PIGL: variants seen among roughly 807,000 people sequenced by gnomAD.
The protein encoded by PIGL is phosphatidylinositol glycan anchor biosynthesis class L.
PIGL carries 22 observed loss-of-function variants against 31.1 expected under a neutral mutation model. The ratio of observed to expected loss-of-function variants is 0.71; its 90% confidence interval spans 0.51 to 1.01. The LOEUF (loss-of-function observed/expected upper bound fraction) is 1.01, where lower values mean the gene tolerates loss of function less well. PIGL is among the 50% of genes least tolerant of loss of function. The probability of loss-of-function intolerance (pLI) is 0.00; values close to 1 mark genes in which losing one functional copy is unlikely to be tolerated. For missense variants in PIGL, 302 were observed against 315.9 expected (o/e 0.96, Z 0.33); for synonymous variants, 131 against 117.4 (o/e 1.12, Z -0.75).
At chr17:16,323,258 A>C (rs1337900285) in intron 6 of PIGL, among the ~76,000 whole-genome samples, 1 of 150,890 alleles carries the variant, frequency 6.6e-6, no homozygotes, top group East Asian at 1.9e-4. Flanking sequence ...TCTGAGACAG[A>C]GTTTCACTCT....
At chr17:16,301,899 C>T (rs1415354575) in intron 3 of PIGL, among the ~76,000 whole-genome samples, 1 of 151,768 alleles carries the variant, frequency 6.6e-6, no homozygotes, top group Non-Finnish European at 1.5e-5. Context: ...CAGGATCTTG[C>T]TGTGTTGGCC....
At chr17:16,266,910 G>C (rs867142486) in intron 2 of PIGL, among the ~76,000 whole-genome samples, 9 of 138,760 alleles carry the variant, frequency 6.5e-5, no homozygotes, top group South Asian at 2.4e-4. Context: ...TTTTTTTGGG[G>C]GGGGGGGGGT....
chr17:16,255,666 A>G (rs1201288192), intron 2 of PIGL, among the ~76,000 whole-genome samples: 1 of 152,062 alleles, frequency 6.6e-6, no homozygotes, highest in East Asian at 1.9e-4. Flanking sequence ...AAAAACAAAA[A>G]AGACCATAGC....
At chr17:16,292,251 C>G (rs2092964327) in intron 2 of PIGL, among the ~76,000 whole-genome samples, 1 of 151,872 alleles carries the variant, frequency 6.6e-6, no homozygotes, top group Admixed American at 6.6e-5. Context: ...CCAGGCTGGT[C>G]TCGATTTCCT....
Position 16,317,868 on chromosome 17 carries a change from T to C in PIGL, c.620T>C (p.Val207Ala), listed in dbSNP as rs368145526. The change falls in exon 6 of 7, where the codon GTC becomes GCC. Residue 207 changes from valine to alanine, a missense_variant. Coordinates refer to ENST00000225609, the MANE Select transcript of PIGL (RefSeq NM_004278.4). ...LPLSLLHTQD[V>A]LFVLNSKEVA... is the part of the protein sequence containing the mutation. ...TTGTCTCTGCTTCATACGCAGGATG[T>C]CCTCTTCGTGCTCAACAGCAAAGAA... 1.9e-6 allele frequency: 3 copies of C among 1,613,936 alleles called. No homozygotes were observed. The highest frequency in any genetic ancestry group is 2.5e-6 in the Non-Finnish European group (3 of 1,180,060).
chr17:16,306,337 G>T (rs968618731), intron 3 of PIGL, among the ~76,000 whole-genome samples: 13 of 152,002 alleles, frequency 8.6e-5, no homozygotes, highest in African/African-American at 3.1e-4. Flanking sequence ...TTACACATGA[G>T]GAAACCAAGA....
At chr17:16,250,174 T>C (rs1400969931) in intron 2 of PIGL, among the ~76,000 whole-genome samples, 3 of 152,188 alleles carry the variant, frequency 2.0e-5, no homozygotes, top group Admixed American at 6.5e-5. Context: ...CTCGAACTCC[T>C]GACCTCAGGT....
At chr17:16,299,449 G>A (rs1020812494) in intron 2 of PIGL, among the ~76,000 whole-genome samples, 20 of 151,616 alleles carry the variant, frequency 1.3e-4, no homozygotes, top group Admixed American at 8.5e-4. Context: ...ATCTCAAAAA[G>A]AAAAAAACAA....
Position 16,325,990 on chromosome 17 carries a change from G to C in PIGL, c.*92G>C, listed in dbSNP as rs1055369143. On this transcript the variant is annotated 3_prime_UTR_variant, in exon 7 of 7. Transcript: ENST00000225609. ...GCCTGGCACTGGCTTATTTACCTGA[G>C]CTCAAGGAGATCCCCGCTGGAGCAG... The C allele has an allele frequency of 1.8e-5, 16 of 906,252 alleles. No homozygotes were observed. The highest frequency in any genetic ancestry group is 3.3e-5 in the African/African-American group (2 of 61,048). 56.1% of individuals were successfully genotyped at this position (906,252 alleles called of 1,614,324 possible). A position where few individuals can be genotyped will look rare whatever the true frequency, so the allele number is the denominator to read the frequency against.
chr17:16,291,310 C>G (rs1223337440), intron 2 of PIGL, among the ~76,000 whole-genome samples: 1 of 151,564 alleles, frequency 6.6e-6, no homozygotes, highest in Non-Finnish European at 1.5e-5. Context: ...AGTTTGAGAA[C>G]AGCCTGGCCA....
At chr17:16,254,762 G>A (rs534931351) in intron 2 of PIGL, among the ~76,000 whole-genome samples, 55 of 151,982 alleles carry the variant, frequency 3.6e-4, no homozygotes, top group African/African-American at 1.2e-3. Context: ...CCACCACCAC[G>A]TCCGGCTAAT....
At chr17:16,242,816 C>A (rs1369293130) in intron 2 of PIGL, among the ~76,000 whole-genome samples, 1 of 151,870 alleles carries the variant, frequency 6.6e-6, no homozygotes, top group Non-Finnish European at 1.5e-5. Context: ...TGGGGTTTCA[C>A]CATGTTGGTC....
intron 1 of PIGL, among the ~76,000 whole-genome samples, chr17:16,224,387 G>A (rs886974585): frequency 2.6e-5 from 4 of 151,442 alleles, no homozygotes; most frequent in African/African-American, 9.7e-5. Context: ...GCTCACTGTA[G>A]CCTCCGCCTC....
intron 2 of PIGL, among the ~76,000 whole-genome samples, chr17:16,256,784 T>C (rs1417971665): frequency 6.6e-6 from 1 of 152,090 alleles, no homozygotes; most frequent in East Asian, 1.9e-4. Context: ...AGCCTCTGCC[T>C]CCTGGGCTCA....
intron 1 of PIGL, among the ~76,000 whole-genome samples, chr17:16,220,662 T>C (rs2142631195): frequency 6.6e-6 from 1 of 152,060 alleles, no homozygotes; most frequent in Non-Finnish European, 1.5e-5. Flanking sequence ...CAATTTTGTA[T>C]TTTTAGTAGA....
chr17:16,217,885 C>G (rs375336049), intron 1 of PIGL: 1 of 154,756 alleles, frequency 6.5e-6, no homozygotes, highest in Non-Finnish European at 1.4e-5. Context: ...AGTAAAAGAC[C>G]TTCCTGCTGC....
At chr17:16,256,968 G>A (rs537311428) in intron 2 of PIGL, among the ~76,000 whole-genome samples, 5 of 152,182 alleles carry the variant, frequency 3.3e-5, no homozygotes, top group East Asian at 1.9e-4. Context: ...GATTGCAGGC[G>A]TGAGCCACCA....
chr17:16,310,312 TG>T (rs2093043806), intron 3 of PIGL, among the ~76,000 whole-genome samples: 2 of 151,378 alleles, frequency 1.3e-5, no homozygotes, highest in African/African-American at 4.9e-5. Context: ...TGTGTGTGTG[TG>T]TGTGTGTGTG....
At chr17:16,222,803 G>A (rs1196547403) in intron 1 of PIGL, among the ~76,000 whole-genome samples, 1 of 151,802 alleles carries the variant, frequency 6.6e-6, no homozygotes, top group Non-Finnish European at 1.5e-5. Context: ...CGTGAGGTCA[G>A]GAGTTCCAGA....
Sources: gnomAD v4.1 joint callset for allele counts (sites outside exome capture counted in the v4.1 genomes callset) on GRCh38, gnomAD v4.1.1 for gene constraint, MANE v1.5 for transcripts, NCBI Gene and HGNC (gene_info 2026-07-23, HGNC 2026-07-21) for gene names.